The following POR variants were observed in gnomAD, a reference collection of about 807,000 sequenced individuals.
POR encodes the protein cytochrome p450 oxidoreductase.
Under a neutral mutation model 84.0 loss-of-function variants are expected in POR, and 56 were observed. The ratio of observed to expected loss-of-function variants is 0.67; its 90% CI spans 0.54 to 0.83. The LOEUF (loss-of-function observed/expected upper bound fraction) is 0.83. Among genes scored for constraint, POR ranks in the 40% least tolerant of loss-of-function variants. The pLI, the probability that POR is intolerant of heterozygous loss-of-function variation, is 0.00. For missense variants in POR, 938 were observed against 944.3 expected (o/e 0.99, Z 0.09); for synonymous variants, 414 against 400.5 (o/e 1.03, Z -0.40).
chr7:75,916,827 G>T (rs574933135), intron 1 of POR, among the ~76,000 whole-genome samples: 1 of 152,020 alleles, frequency 6.6e-6, no homozygotes, highest in African/African-American at 2.4e-5. Context: ...GTCCTGGGTA[G>T]TAGGAGTTTA....
intron 12 of POR, 81 bp downstream of exon 12, chr7:75,985,288 G>A: frequency 6.9e-7 from 1 of 1,442,546 alleles, no homozygotes; most frequent in Non-Finnish European, 9.2e-7. Context: ...GGCGGCACAG[G>A]AGCTCCGAGA....
intron 1 of POR, among the ~76,000 whole-genome samples, chr7:75,949,237 C>T (rs1301090194): frequency 2.0e-5 from 3 of 152,040 alleles, no homozygotes; most frequent in African/African-American, 7.2e-5. Flanking sequence ...TCACTACAAC[C>T]TCTGCCTCCC....
intron 1 of POR, among the ~76,000 whole-genome samples, chr7:75,925,200 T>C (rs1317813499): frequency 5.9e-5 from 9 of 152,106 alleles, no homozygotes; most frequent in African/African-American, 2.2e-4. Context: ...AAAAGGAAGC[T>C]GACCAGTTTC....
chr7:75,980,713 G>A, intron 5 of POR: 1 of 1,518,532 alleles, frequency 6.6e-7, no homozygotes, highest in Non-Finnish European at 8.8e-7. Context: ...TTGGGTGCTG[G>A]AGACTAAAGG....
chr7:75,919,382 C>CAT (rs1554548526), intron 1 of POR, among the ~76,000 whole-genome samples: 1 of 146,530 alleles, frequency 6.8e-6, no homozygotes, highest in South Asian at 2.2e-4. Context: ...TCTGTGCGTG[C>CAT]GTGTGTGTGT....
In POR at chr7:75,951,035, G is replaced by A. The variant is rs192056712; in HGVS notation, c.-4-2954G>A. ...GATCGCACCACTGCACTCCAGCCTG[G>A]GTGACAGAGCGAGGCTCTGTCCCCC... On this transcript the variant is annotated intron_variant, in intron 1 of 15. Transcript: ENST00000461988. Among the ~76,000 whole-genome samples the A allele has an allele frequency of 3.2e-3, 458 of 143,682 alleles. 1 individual carries two copies. The highest frequency in any genetic ancestry group is 0.02 in the Middle Eastern group (5 of 252). The allele number at this position is 143,682 out of a possible 152,430, so 94.3% of individuals were successfully genotyped here. A position where few individuals can be genotyped will look rare whatever the true frequency, so the allele number is the denominator to read the frequency against.
Position 75,922,121 on chromosome 7 carries a change from G to A in POR, c.-5+6942G>A, listed in dbSNP as rs141581813. 2.8e-3 allele frequency among the ~76,000 whole-genome samples: 421 copies of A among 152,334 alleles called. 3 individuals are homozygous for A. Among genetic ancestry groups the A allele is most frequent in the African/African-American group, 9.5e-3 (395 of 41,576 alleles). On this transcript the variant is annotated intron_variant, in intron 1 of 15. Transcript: ENST00000461988. The stretch of plus-strand genomic sequence containing the variant: ...CCCTAGTGGCAATACGGTTGGACTA[G>A]AAGGTGAATTCAGTTGAGAACAGGG...
In POR at chr7:75,958,944, C is replaced by G. The variant is rs141319090; in HGVS notation, c.188+4764C>G. Among the ~76,000 whole-genome samples the G allele has an allele frequency of 6.6e-5, 10 of 152,334 alleles. No individual in the cohort carries two copies. In the East Asian group the frequency reaches 1.7e-3, roughly 26 times the overall value. On this transcript the variant is annotated intron_variant, in intron 2 of 15. Transcript: ENST00000461988. ...TGGACTTTGGAATGTTTGCATTATACTCACCAGATGAGCATTTCTTATCTG... is the reference window on the plus strand; with the variant it reads ...TGGACTTTGGAATGTTTGCATTATAGTCACCAGATGAGCATTTCTTATCTG...
At chr7:75,957,097 A>G (rs1554553833) in intron 2 of POR, among the ~76,000 whole-genome samples, 1 of 152,208 alleles carries the variant, frequency 6.6e-6, no homozygotes, top group African/African-American at 2.4e-5. Context: ...TCCTTGCAAC[A>G]GCGCCGTGCG....
chr7:75,946,111 C>T (rs1787161850), intron 1 of POR, among the ~76,000 whole-genome samples: 1 of 152,022 alleles, frequency 6.6e-6, no homozygotes, highest in Admixed American at 6.6e-5. Flanking sequence ...AGCCAGCTAC[C>T]GAAATTGACA....
intron 2 of POR, among the ~76,000 whole-genome samples, chr7:75,966,441 C>T (rs2116496549): frequency 6.6e-6 from 1 of 152,358 alleles, no homozygotes; most frequent in Non-Finnish European, 1.5e-5. Flanking sequence ...GCAGAGCCCA[C>T]TCTCCGTCCT....
At chr7:75,928,294 T>G (rs1208391646) in intron 1 of POR, among the ~76,000 whole-genome samples, 1 of 151,954 alleles carries the variant, frequency 6.6e-6, no homozygotes, top group Non-Finnish European at 1.5e-5. Flanking sequence ...AAAAATCAGG[T>G]TTATAGGTCA....
rs782708898 is a variant in POR at position 75,986,241 on chromosome 7, GGTGA to G, written c.1898+8_1898+11del. On this transcript the variant is annotated splice_donor_variant and splice_donor_region_variant and intron_variant, in intron 15 of 15. Transcript: ENST00000461988. LOFTEE classifies it high-confidence loss of function. ...GGCGGTGCCCACATCTACGTCTGTG[GGTGA>G]GTGAGTGGGGTCACTGGAATAGGGG... The G allele has an allele frequency of 1.5e-4, 242 of 1,612,556 alleles. No individual in the cohort carries two copies. Among genetic ancestry groups the G allele is most frequent in the Non-Finnish European group, 1.8e-4 (209 of 1,179,820 alleles).
rs1554557328 is a variant in POR, at chr7:75,979,580, G to C, written c.366+1G>C. Reference sequence around the variant, plus strand: ...AGCGGACCCTGAGGAGTATGACCTGGTAAGCTGCCACCGCGTGCTGGCCCC... The same window carrying C: ...AGCGGACCCTGAGGAGTATGACCTGCTAAGCTGCCACCGCGTGCTGGCCCC... On this transcript the variant is annotated splice_donor_variant, in intron 4 of 15. Coordinates refer to ENST00000461988, the MANE Select transcript of POR (RefSeq NM_000941.3). LOFTEE classifies it high-confidence loss of function. 2.5e-6 allele frequency: 4 copies of C among 1,613,130 alleles called. No individual in the cohort carries two copies. Among genetic ancestry groups the C allele is most frequent in the Non-Finnish European group, 2.5e-6 (3 of 1,179,742 alleles).
chr7:75,918,452 C>G (rs1432201615), intron 1 of POR, among the ~76,000 whole-genome samples: 1 of 152,168 alleles, frequency 6.6e-6, no homozygotes, highest in African/African-American at 2.4e-5. Flanking sequence ...CTGACCTATA[C>G]CAAGCCTTAG....
Position 75,985,738 on chromosome 7 carries a change from C to A in POR, c.1558C>A (p.Gln520Lys). 1 of 1,587,234 alleles carries A rather than the reference C, an allele frequency of 6.3e-7. No individual in the cohort carries two copies. The change falls in exon 13 of 16, where the codon CAG (glutamine) becomes AAG (lysine). Residue 520 changes from glutamine (Q) to lysine (K), a missense_variant. By Grantham distance (53) the Gln-to-Lys change is moderately conservative. Transcript: ENST00000461988. ...GGTGCCCATGTTCGTGCGCAAGTCCCAGTTCCGCCTGCCCTTCAAGGCCAC... is the reference window on the plus strand; with the variant it reads ...GGTGCCCATGTTCGTGCGCAAGTCCAAGTTCCGCCTGCCCTTCAAGGCCAC...
chr7:75,936,823 A>ATTT (rs71519400), intron 1 of POR, among the ~76,000 whole-genome samples: 7 of 123,578 alleles, frequency 5.7e-5, no homozygotes, highest in Non-Finnish European at 1.1e-4. Context: ...ATTATTATTA[A>ATTT]TTTTTTTTTT....
intron 1 of POR, chr7:75,946,890 A>C (rs1385286004): frequency 2.0e-5 from 3 of 152,236 alleles, no homozygotes; most frequent in African/African-American, 7.2e-5. Context: ...GTTGTCAGTC[A>C]AGACCGCCAG....
At chr7:75,950,095 C>T (rs549591102) in intron 1 of POR, among the ~76,000 whole-genome samples, 391 of 151,652 alleles carry the variant, frequency 2.6e-3, no homozygotes, top group Admixed American at 5.4e-3. Flanking sequence ...TGGTCTCGAT[C>T]TCCTGACCTC....
Sources: allele counts gnomAD v4.1 joint callset (sites outside exome capture counted in the v4.1 genomes callset), GRCh38; gene constraint gnomAD v4.1.1; transcripts MANE v1.5; gene names NCBI Gene and HGNC (gene_info 2026-07-23, HGNC 2026-07-21).